The following RAB10 variants were observed in gnomAD, a reference collection of about 807,000 sequenced individuals.
RAB10 encodes ras-related protein Rab-10.
A neutral mutation model predicts 25.7 loss-of-function variants in RAB10; 5 were observed. The ratio of observed to expected loss-of-function variants is 0.19; its 90% CI spans 0.10 to 0.41. The LOEUF (loss-of-function observed/expected upper bound fraction) is 0.41. Ranked by LOEUF, RAB10 falls within the 10% of genes least tolerant of loss-of-function variation. The pLI, the probability that RAB10 is intolerant of heterozygous loss-of-function variation, is 1.00. For missense variants in RAB10, 103 were observed against 245.8 expected, an observed-to-expected ratio of 0.42 and a Z score of 3.89; for synonymous variants, 89 against 86.4, an observed-to-expected ratio of 1.03 and a Z score of -0.16.
At chr2:26,064,583 G>A in intron 1 of RAB10, among the ~76,000 whole-genome samples, 1 of 152,082 alleles carries the variant, frequency 6.6e-6, no homozygotes, top group East Asian at 1.9e-4. Flanking sequence ...GAGCTCAAGT[G>A]AACTGCCTGC....
intron 1 of RAB10, among the ~76,000 whole-genome samples, chr2:26,057,620 T>TTTCA (rs5741517): frequency 0.024 from 3,644 of 149,166 alleles, 149 homozygotes; most frequent in African/African-American, 0.086. Flanking sequence ...GGCAAGTTTC[T>TTTCA]TTCATTCATT....
At chr2:26,092,243 C>T (rs1667121645) in intron 1 of RAB10, among the ~76,000 whole-genome samples, 1 of 145,920 alleles carries the variant, frequency 6.9e-6, no homozygotes. Context: ...ACATGGAGAT[C>T]ATTGATCATA....
chr2:26,131,310 G>C (rs1668009435), intron 5 of RAB10, among the ~76,000 whole-genome samples: 1 of 152,078 alleles, frequency 6.6e-6, no homozygotes, highest in Non-Finnish European at 1.5e-5. Context: ...ATCTCATCAT[G>C]TTTTAACAAA....
intron 1 of RAB10, among the ~76,000 whole-genome samples, chr2:26,097,187 G>A (rs1022274170): frequency 6.6e-6 from 1 of 152,136 alleles, no homozygotes; most frequent in South Asian, 2.1e-4. Context: ...CTGCACTCTA[G>A]CCTGGGTGAC....
In RAB10 at chr2:26,043,732, C is replaced by G. The variant is rs1461121018; in HGVS notation, c.127+8997C>G. 2.0e-5 allele frequency among the ~76,000 whole-genome samples: 3 copies of G among 152,012 alleles called. No individual in the cohort carries two copies. The East Asian group carries it at 5.8e-4, about 29-fold the overall frequency. ...TTAGTGGAATAGTGGTTACTGGGGC[C>G]TGGGGGACAGAGTAATGGGGAGTTA... On this transcript the variant is annotated intron_variant, in intron 1 of 5. Transcript: ENST00000264710.
At chr2:26,066,710 T>C (rs1479850568) in intron 1 of RAB10, among the ~76,000 whole-genome samples, 1 of 151,830 alleles carries the variant, frequency 6.6e-6, no homozygotes, top group African/African-American at 2.4e-5. Context: ...CCCATGACAC[T>C]TGGGGATTAT....
At chr2:26,088,072 C>T (rs1253176030) in intron 1 of RAB10, among the ~76,000 whole-genome samples, 1 of 152,128 alleles carries the variant, frequency 6.6e-6, no homozygotes, top group Non-Finnish European at 1.5e-5. Context: ...AGGTGGAAAA[C>T]ACTTGATTTT....
intron 1 of RAB10, among the ~76,000 whole-genome samples, chr2:26,038,226 C>T (rs1377516433): frequency 2.7e-5 from 4 of 145,744 alleles, no homozygotes; most frequent in Admixed American, 2.1e-4. Flanking sequence ...GATGGATTTT[C>T]GCTTTTGTTG....
chr2:26,121,967 C>A (rs954969699), intron 3 of RAB10, among the ~76,000 whole-genome samples: 1 of 152,138 alleles, frequency 6.6e-6, no homozygotes, highest in Admixed American at 6.5e-5. Context: ...CAAAAGAGGT[C>A]TTTTGTGGTT....
upstream of RAB10, among the ~76,000 whole-genome samples, chr2:26,033,749 G>A (rs1458321178): frequency 6.6e-6 from 1 of 151,354 alleles, no homozygotes; most frequent in East Asian, 1.9e-4. Flanking sequence ...GAGGTGCTGG[G>A]CTCTGTAAGG....
intron 1 of RAB10, among the ~76,000 whole-genome samples, chr2:26,065,498 GT>G (rs10710779): frequency 0.77 from 116,679 of 151,312 alleles, 44,949 homozygotes; most frequent in East Asian, 0.87. Context: ...AAACCTGAAG[GT>G]TTTTTTTTTG....
chr2:26,043,066 T>C (rs1270649598), intron 1 of RAB10, among the ~76,000 whole-genome samples: 1 of 152,044 alleles, frequency 6.6e-6, no homozygotes, highest in Non-Finnish European at 1.5e-5. Flanking sequence ...CTCAAAAAAT[T>C]AAAAATGAAA....
chr2:26,120,879 C>T (rs764477113), intron 3 of RAB10, among the ~76,000 whole-genome samples: 1 of 151,962 alleles, frequency 6.6e-6, no homozygotes, highest in Non-Finnish European at 1.5e-5. Context: ...CATGAGCCAC[C>T]GCATCCAGCC....
At chr2:26,128,112 T>C (rs1667938791) in intron 5 of RAB10, among the ~76,000 whole-genome samples, 161 bp downstream of exon 5, 1 of 152,188 alleles carries the variant, frequency 6.6e-6, no homozygotes, top group African/African-American at 2.4e-5. Context: ...ACTGGTTTCA[T>C]GGAAGATAAT....
At chr2:26,081,956 A>C (rs2149273999) in intron 1 of RAB10, among the ~76,000 whole-genome samples, 1 of 152,272 alleles carries the variant, frequency 6.6e-6, no homozygotes, top group East Asian at 1.9e-4. Flanking sequence ...GAAGTGTTTT[A>C]GCCTGAAAAA....
intron 3 of RAB10, among the ~76,000 whole-genome samples, chr2:26,119,321 G>A (rs1263840831): frequency 1.3e-5 from 2 of 151,996 alleles, no homozygotes; most frequent in Non-Finnish European, 2.9e-5. Flanking sequence ...TGAGGTGGGA[G>A]GATCACCTGA....
intron 3 of RAB10, among the ~76,000 whole-genome samples, chr2:26,122,625 C>CAAA (rs775681640): frequency 5.6e-5 from 5 of 88,608 alleles, no homozygotes; most frequent in African/African-American, 9.6e-5. Flanking sequence ...GACTCTGTCT[C>CAAA]AAAAAAAAAA....
In RAB10 at chr2:26,081,790, C is replaced by T. The variant is rs192163386; in HGVS notation, c.128-16872C>T. 1.6e-4 allele frequency among the ~76,000 whole-genome samples: 24 copies of T among 152,084 alleles called. No individual in the cohort carries two copies. The East Asian group carries it at 1.7e-3, about 11-fold the overall frequency. On this transcript the variant is annotated intron_variant, in intron 1 of 5. Coordinates refer to ENST00000264710, the MANE Select transcript of RAB10 (RefSeq NM_016131.5). ...ATTTAAAAAAGGAAACAATGTAAGC[C>T]GCAAGACAATGGAGTAATATTTAAG...
In RAB10 at chr2:26,127,174, C is replaced by G. The variant is rs761898624; in HGVS notation, c.358C>G (p.Leu120Val). The G allele has an allele frequency of 6.3e-7, 1 of 1,599,424 alleles. No individual in the cohort carries two copies. Among genetic ancestry groups the G allele is most frequent in the Non-Finnish European group, 8.5e-7 (1 of 1,176,524 alleles). Residue 120 changes from leucine to valine, a missense_variant, in exon 4 of 6, where the codon CTA (leucine) becomes GTA (valine). Leu to Val is a conservative substitution (Grantham distance 32). Coordinates refer to ENST00000264710, the MANE Select transcript of RAB10 (RefSeq NM_016131.5). Reference sequence around the variant, plus strand: ...CAATGAAGATGTGGAAAGAATGTTACTAGGAAACAAGTGTGATATGGACGA... The same window carrying G: ...CAATGAAGATGTGGAAAGAATGTTAGTAGGAAACAAGTGTGATATGGACGA... ...HANEDVERML[L>V]GNKCDMDDKR...
Sources: gnomAD v4.1 joint callset for allele counts (sites outside exome capture counted in the v4.1 genomes callset) on GRCh38, gnomAD v4.1.1 for gene constraint, MANE v1.5 for transcripts, NCBI Gene and HGNC (gene_info 2026-07-23, HGNC 2026-07-21) for gene names.